PABIR3: variants seen among roughly 807,000 people sequenced by gnomAD.
PABIR3 encodes the protein PABIR family member 3.
Under a neutral mutation model 23.1 loss-of-function variants are expected in PABIR3, and 20 were observed. That is an observed-to-expected ratio of 0.86 (90% CI 0.61 to 1.26). PABIR3 has a LOEUF of 1.26. PABIR3 is among the 50% of genes most tolerant of loss of function. The pLI is 0.00. For missense variants in PABIR3, 189 were observed against 195.4 expected, an observed-to-expected ratio of 0.97 and a Z score of 0.20; for synonymous variants, 69 against 68.5, an observed-to-expected ratio of 1.01 and a Z score of -0.04.
chrX:134,804,808 TC>T (rs1334942268), upstream of PABIR3, among the ~76,000 whole-genome samples: 1 of 112,651 alleles, frequency 8.9e-6, no homozygotes, highest in Non-Finnish European at 1.9e-5. Context: ...CTCTGTTCTG[TC>T]TTTAATCACT....
At chrX:134,860,099 T>A in the PABIR3 span, among the ~76,000 whole-genome samples, 3 of 98,593 alleles carry the variant, frequency 3.0e-5, no homozygotes, top group South Asian at 4.3e-4. Flanking sequence ...AAACTTCAAA[T>A]TTTTTTTTTT....
At chrX:134,821,256 A>C (rs887217876) in intron 3 of PABIR3, 28 of 944,409 alleles carry the variant, frequency 3.0e-5, no homozygotes, top group Non-Finnish European at 3.6e-5. Context: ...AAAAAAAAAA[A>C]AAAAAAAAAA....
chrX:134,854,418 T>C lies in PABIR3; in HGVS notation c.*201T>C, dbSNP rs774286294. 5.7e-6 allele frequency: 2 copies of C among 349,074 alleles called. No homozygotes were observed. The highest frequency in any genetic ancestry group is 5.3e-5 in the African/African-American group (2 of 37,869). 28.8% of individuals were successfully genotyped at this position (349,074 alleles called of 1,213,427 possible). A position where few individuals can be genotyped will look rare whatever the true frequency, so the allele number is the denominator to read the frequency against. Reference sequence around the variant, plus strand: ...CGTGTATAATTCTTGTGTACATCCTTAAATTTAATGTAATAACATGTTAAA... The same window carrying C: ...CGTGTATAATTCTTGTGTACATCCTCAAATTTAATGTAATAACATGTTAAA... On this transcript the variant is annotated 3_prime_UTR_variant, in exon 11 of 11. Transcript: ENST00000645433.
At chrX:134,863,918 A>C in the PABIR3 span, among the ~76,000 whole-genome samples, 6 of 112,349 alleles carry the variant, frequency 5.3e-5, no homozygotes, top group Non-Finnish European at 1.1e-4. Context: ...TTTTCAAAAG[A>C]GTACTTGCTT....
chrX:134,842,254 T>C (rs945343397), intron 4 of PABIR3, among the ~76,000 whole-genome samples: 2 of 112,198 alleles, frequency 1.8e-5, no homozygotes, highest in African/African-American at 6.5e-5. Flanking sequence ...TTTGCAGATA[T>C]CTTCTCCAAT....
chrX:134,823,034 G>A (rs987020699), intron 3 of PABIR3: 4 of 111,183 alleles, frequency 3.6e-5, no homozygotes, highest in African/African-American at 1.3e-4. Flanking sequence ...CAACTACTCA[G>A]GAGGCTGAGA....
intron 3 of PABIR3, chrX:134,821,244 T>TAA (rs34486506): frequency 0.029 from 15,791 of 546,004 alleles, 1 homozygote; most frequent in Non-Finnish European, 0.031. Context: ...CCAAGCATTG[T>TAA]AAAAAAAAAA....
At chrX:134,809,805 C>T (rs1296298262) in intron 2 of PABIR3, 21 of 751,912 alleles carry the variant, frequency 2.8e-5, no homozygotes, top group Non-Finnish European at 3.0e-5. Context: ...CACTACTAAC[C>T]AATACCTAAG....
At chrX:134,840,591 C>T (rs1243031486) in intron 4 of PABIR3, among the ~76,000 whole-genome samples, 2 of 110,807 alleles carry the variant, frequency 1.8e-5, no homozygotes, top group African/African-American at 3.3e-5. Flanking sequence ...GCTCAGGTGA[C>T]GTCACCTGCC....
intron 1 of PABIR3, among the ~76,000 whole-genome samples, chrX:134,799,010 A>G (rs1033087916): frequency 8.9e-6 from 1 of 112,431 alleles, no homozygotes; most frequent in African/African-American, 3.2e-5. Flanking sequence ...GTTAAACTCA[A>G]TGAAAAAGTG....
At position 134,849,025 on chromosome X, in the gene PABIR3, A is replaced by C. The variant is rs754331683; in HGVS notation, c.528-142A>C. 2.9e-5 allele frequency: 7 copies of C among 237,847 alleles called. 1 individual carries two copies. In the South Asian group the frequency reaches 1.8e-3, roughly 60 times the overall value. The allele number at this position is 237,847 out of a possible 1,213,427, so 19.6% of individuals were successfully genotyped here. ...TCTCAGAAAAAAAGTAAAAATAAAAACAAAGAAAAGCAGTAAAATGATGTA... is the reference window on the plus strand; with the variant it reads ...TCTCAGAAAAAAAGTAAAAATAAAACCAAAGAAAAGCAGTAAAATGATGTA... On this transcript the variant is annotated intron_variant, in intron 8 of 10. Coordinates refer to ENST00000645433, the MANE Select transcript of PABIR3 (RefSeq NM_001388447.1).
chrX:134,813,452 G>A (rs1226455167), intron 2 of PABIR3, among the ~76,000 whole-genome samples: 1 of 112,023 alleles, frequency 8.9e-6, no homozygotes, highest in Non-Finnish European at 1.9e-5. Flanking sequence ...TTATCAGAGA[G>A]CGAGTATAGA....
At chrX:134,832,394 CTTTTTTTTTTTTT>C (rs1162024470) in intron 4 of PABIR3, among the ~76,000 whole-genome samples, 4 of 77,037 alleles carry the variant, frequency 5.2e-5, no homozygotes, top group Non-Finnish European at 9.4e-5. Context: ...GACTGGATCC[CTTTTTTTTTTTTT>C]TTTTTTTTTT....
At chrX:134,837,909 C>CTAACAAT (rs1393409751) in intron 4 of PABIR3, among the ~76,000 whole-genome samples, 16 of 112,358 alleles carry the variant, frequency 1.4e-4, no homozygotes, top group Admixed American at 1.3e-3. Context: ...AAGAACTATA[C>CTAACAAT]TAACAATTAC....
chrX:134,796,465 CAGAA>C (rs1184472173), upstream of PABIR3: 1 of 306,299 alleles, frequency 3.3e-6, no homozygotes, highest in Non-Finnish European at 5.7e-6. Context: ...TGGAAGGTGA[CAGAA>C]TGAAGGAAAA....
Position 134,829,144 on chromosome X carries a change from G to A in PABIR3, c.190-82G>A, listed in dbSNP as rs2081644733. 4.5e-5 allele frequency: 35 copies of A among 784,381 alleles called. No individual in the cohort carries two copies. The South Asian group carries it at 7.0e-4, about 16-fold the overall frequency. 64.6% of individuals were successfully genotyped at this position (784,381 alleles called of 1,213,427 possible). A position where few individuals can be genotyped will look rare whatever the true frequency, so the allele number is the denominator to read the frequency against. The stretch of plus-strand genomic sequence containing the variant: ...ATAAGACACTAAATAAATATTTTAG[G>A]TAATTCAACATTGACTTAATGTTGA... On this transcript the variant is annotated intron_variant, in intron 3 of 10. Coordinates refer to ENST00000645433, the MANE Select transcript of PABIR3 (RefSeq NM_001388447.1).
At chrX:134,821,832 G>A in intron 3 of PABIR3, 1 of 826,714 alleles carries the variant, frequency 1.2e-6, no homozygotes, top group Non-Finnish European at 1.5e-6. Flanking sequence ...TATAAACACA[G>A]TGTACAACCC....
chrX:134,843,467 A>G (rs1334891185), intron 4 of PABIR3, among the ~76,000 whole-genome samples: 1 of 110,239 alleles, frequency 9.1e-6, no homozygotes, highest in Non-Finnish European at 1.9e-5. Context: ...AGTTTTCTAA[A>G]CATCATTTGT....
At chrX:134,834,926 T>C (rs908649978) in intron 4 of PABIR3, among the ~76,000 whole-genome samples, 2 of 112,306 alleles carry the variant, frequency 1.8e-5, no homozygotes, top group Non-Finnish European at 3.8e-5. Context: ...CTGTTTTTTG[T>C]TCCATGCCTC....
Sources: allele counts gnomAD v4.1 joint callset (sites outside exome capture counted in the v4.1 genomes callset), GRCh38; gene constraint gnomAD v4.1.1; transcripts MANE v1.5; gene names NCBI Gene and HGNC (gene_info 2026-07-23, HGNC 2026-07-21).